CTCF: variants seen among roughly 807,000 people sequenced by gnomAD.
CTCF encodes CCCTC-binding factor, also known as transcriptional repressor CTCF.
CTCF carries 7 observed loss-of-function variants against 72.3 expected under a neutral mutation model. The ratio of observed to expected loss-of-function variants is 0.10; its 90% CI spans 0.06 to 0.18. The LOEUF (loss-of-function observed/expected upper bound fraction) is 0.18. CTCF is among the 10% of genes least tolerant of loss of function. The pLI, the probability that CTCF is intolerant of heterozygous loss-of-function variation, is 1.00. For missense variants in CTCF, 516 were observed against 949.1 expected, an observed-to-expected ratio of 0.54 and a Z score of 6.00; for synonymous variants, 374 against 315.8, an observed-to-expected ratio of 1.18 and a Z score of -1.95.
At position 67,638,272 on chromosome 16, in the gene CTCF, A is replaced by G. The variant is rs940875481; in HGVS notation, c.*400A>G. 4.5e-5 allele frequency: 11 copies of G among 242,012 alleles called. No homozygotes were observed. The highest frequency in any genetic ancestry group is 2.4e-4 in the African/African-American group (11 of 45,508). 15.0% of individuals were successfully genotyped at this position (242,012 alleles called of 1,614,324 possible). ...AATTGTAAATGCATACTTGGGAAGG[A>G]CTTAGAGTTTTAAACTGTTTTTTGC... is the stretch of plus-strand genomic sequence containing the variant. On this transcript the variant is annotated 3_prime_UTR_variant, in exon 12 of 12. Coordinates refer to ENST00000264010, the MANE Select transcript of CTCF (RefSeq NM_006565.4).
chr16:67,635,924 C>G (rs1231730505), intron 10 of CTCF, among the ~76,000 whole-genome samples: 2 of 152,222 alleles, frequency 1.3e-5, no homozygotes, highest in Admixed American at 6.5e-5. Context: ...CCGTGCCCAG[C>G]CTTAAATTGA....
At chr16:67,618,755 A>G (rs1474064367) in intron 5 of CTCF, among the ~76,000 whole-genome samples, 1 of 152,250 alleles carries the variant, frequency 6.6e-6, no homozygotes, top group Non-Finnish European at 1.5e-5. Flanking sequence ...AATGGATTCT[A>G]ATAGCAATAA....
At chr16:67,601,248 GTGTGTGTT>G (rs2051883337) in intron 2 of CTCF, among the ~76,000 whole-genome samples, 2 of 146,836 alleles carry the variant, frequency 1.4e-5, no homozygotes, top group African/African-American at 5.0e-5. Flanking sequence ...GTGTGTGTGT[GTGTGTGTT>G]TTGTTTTGTT....
At chr16:67,588,508 C>T (rs955783791) in intron 2 of CTCF, among the ~76,000 whole-genome samples, 2 of 152,052 alleles carry the variant, frequency 1.3e-5, no homozygotes, top group African/African-American at 2.4e-5. Context: ...TTACTCTACA[C>T]CAGCAAAAGT....
chr16:67,618,297 G>A (rs2052159322), intron 5 of CTCF, among the ~76,000 whole-genome samples: 1 of 152,178 alleles, frequency 6.6e-6, no homozygotes, highest in African/African-American at 2.4e-5. Context: ...AGCGACTCGG[G>A]AGCCTGAGGC....
At chr16:67,635,049 G>A (rs759641248) in intron 10 of CTCF, among the ~76,000 whole-genome samples, 7 of 148,890 alleles carry the variant, frequency 4.7e-5, no homozygotes, top group Non-Finnish European at 8.9e-5. Flanking sequence ...TTGAGACGGA[G>A]TCTTGCTCTG....
At chr16:67,593,270 G>A (rs1350337411) in intron 2 of CTCF, among the ~76,000 whole-genome samples, 2 of 151,860 alleles carry the variant, frequency 1.3e-5, no homozygotes, top group Non-Finnish European at 2.9e-5. Flanking sequence ...TATGAGGTTT[G>A]GGGGTACAAT....
chr16:67,611,836 T>G (rs537763490), intron 3 of CTCF, 115 bp from the exon 4 acceptor site: 2 of 1,009,906 alleles, frequency 2.0e-6, no homozygotes, highest in South Asian at 2.9e-5. Flanking sequence ...AATTATGACT[T>G]ATATTGGGTT....
intron 2 of CTCF, among the ~76,000 whole-genome samples, chr16:67,594,769 A>G (rs2051790187): frequency 6.6e-6 from 1 of 152,152 alleles, no homozygotes; most frequent in Admixed American, 6.6e-5. Flanking sequence ...CTGTTTGTCT[A>G]ACACTGTTTT....
chr16:67,588,905 G>A (rs1177608197), intron 2 of CTCF, among the ~76,000 whole-genome samples: 6 of 151,890 alleles, frequency 4.0e-5, no homozygotes, highest in Non-Finnish European at 7.4e-5. Context: ...TGGCCAGGCT[G>A]GTCTCGAACT....
At chr16:67,615,729 C>G (rs1009384848) in intron 4 of CTCF, 1 of 152,200 alleles carries the variant, frequency 6.6e-6, no homozygotes. Context: ...TGTGCTTTAC[C>G]GTTAGATCCA....
intron 8 of CTCF, 59 bp from the exon 9 acceptor site, chr16:67,628,311 C>T (rs2142866267): frequency 6.5e-7 from 1 of 1,531,590 alleles, no homozygotes; most frequent in African/African-American, 1.4e-5. Flanking sequence ...ATGCAGGTGG[C>T]AGCTGGGGCA....
At chr16:67,591,723 G>A (rs537906765) in intron 2 of CTCF, among the ~76,000 whole-genome samples, 4 of 151,596 alleles carry the variant, frequency 2.6e-5, no homozygotes, top group East Asian at 3.9e-4. Context: ...ACTTTTTTTG[G>A]GGGGGGGCAG....
intron 5 of CTCF, among the ~76,000 whole-genome samples, chr16:67,619,269 C>G (rs1460795424): frequency 1.3e-5 from 2 of 152,204 alleles, no homozygotes; most frequent in African/African-American, 2.4e-5. Context: ...AACCCCGTCT[C>G]TACTAAAAAT....
intron 2 of CTCF, among the ~76,000 whole-genome samples, chr16:67,591,809 C>T (rs2051747802): frequency 6.6e-6 from 1 of 151,950 alleles, no homozygotes; most frequent in African/African-American, 2.4e-5. Flanking sequence ...AGCCTGGGCT[C>T]AGGCGATCCT....
chr16:67,631,671 G>GGCC (rs2052366666), intron 10 of CTCF, among the ~76,000 whole-genome samples: 1 of 104,578 alleles, frequency 9.6e-6, no homozygotes, highest in Non-Finnish European at 2.0e-5. Flanking sequence ...CTGTAACAAG[G>GGCC]TCCCCCCCAC....
intron 2 of CTCF, among the ~76,000 whole-genome samples, chr16:67,584,433 C>T (rs183249767): frequency 6.6e-6 from 1 of 150,826 alleles, no homozygotes; most frequent in Admixed American, 6.6e-5. Context: ...CTCTGCCCCC[C>T]AGGTTCAAGC....
At chr16:67,617,696 A>G (rs1484311430) in intron 5 of CTCF, among the ~76,000 whole-genome samples, 2 of 152,140 alleles carry the variant, frequency 1.3e-5, no homozygotes, top group Non-Finnish European at 2.9e-5. Context: ...AAAGAGTACC[A>G]GTTTCACATG....
intron 1 of CTCF, chr16:67,567,925 T>G (rs2051364210): frequency 7.5e-6 from 1 of 132,720 alleles, no homozygotes; most frequent in African/African-American, 3.1e-5. Flanking sequence ...TGAGACAGGT[T>G]GTCACTGTGT....
Sources: allele counts gnomAD v4.1 joint callset (sites outside exome capture counted in the v4.1 genomes callset), GRCh38; gene constraint gnomAD v4.1.1; transcripts MANE v1.5; gene names NCBI Gene and HGNC (gene_info 2026-07-23, HGNC 2026-07-21).